Variants in SOBP observed in about 807,000 individuals in gnomAD.
SOBP encodes sine oculis-binding protein homolog.
A neutral mutation model predicts 53.6 loss-of-function variants in SOBP; 4 were observed. The ratio of observed to expected loss-of-function variants is 0.07; its 90% CI spans 0.04 to 0.17. The LOEUF is 0.17. Ranked by LOEUF, SOBP falls within the 10% of genes least tolerant of loss-of-function variation. The pLI, the probability that SOBP is intolerant of heterozygous loss-of-function variation, is 1.00. For synonymous variants in SOBP, 584 were observed against 522.6 expected, an observed-to-expected ratio of 1.12 and a Z score of -1.60; for missense variants, 1,088 against 1,204.7, an observed-to-expected ratio of 0.90 and a Z score of 1.43.
chr6:107,494,359 A>G (rs1782648847), intron 1 of SOBP, among the ~76,000 whole-genome samples: 1 of 152,260 alleles, frequency 6.6e-6, no homozygotes, highest in Admixed American at 6.5e-5. Flanking sequence ...CATCCAGAAC[A>G]TAGTAGATAT....
At chr6:107,584,942 CA>C (rs1399080690) in intron 4 of SOBP, among the ~76,000 whole-genome samples, 1 of 152,086 alleles carries the variant, frequency 6.6e-6, no homozygotes, top group East Asian at 1.9e-4. Context: ...ATAATAAACA[CA>C]TTCCACCTTA....
intron 3 of SOBP, among the ~76,000 whole-genome samples, chr6:107,520,080 G>A (rs1000429940): frequency 6.6e-6 from 1 of 152,152 alleles, no homozygotes; most frequent in Non-Finnish European, 1.5e-5. Flanking sequence ...ATTCTCAGTG[G>A]CACAATAACG....
chr6:107,515,462 C>T (rs1203766788), intron 3 of SOBP, among the ~76,000 whole-genome samples: 1 of 152,030 alleles, frequency 6.6e-6, no homozygotes, highest in Non-Finnish European at 1.5e-5. Flanking sequence ...AAATTGAAAA[C>T]TTCTGTCTGG....
chr6:107,661,118 A>T lies in SOBP; in HGVS notation c.*2915A>T, dbSNP rs1772276705. Among the ~76,000 whole-genome samples, 1 of 152,202 alleles carries T rather than the reference A, an allele frequency of 6.6e-6. No homozygotes were observed. The highest frequency in any genetic ancestry group is 2.4e-5 in the African/African-American group (1 of 41,444). On this transcript the variant is annotated 3_prime_UTR_variant, in exon 7 of 7. Coordinates refer to ENST00000317357, the MANE Select transcript of SOBP (RefSeq NM_018013.4). Reference sequence around the variant, plus strand: ...ATTTTGCTTTTGTCTGTAGTCCAAGATTGTCAAGCAAACATTTTGACCCTT... The same window carrying T: ...ATTTTGCTTTTGTCTGTAGTCCAAGTTTGTCAAGCAAACATTTTGACCCTT...
chr6:107,633,921 A>C lies in SOBP; in HGVS notation c.1077A>C (p.Pro359=). ...AGTCCATCCCCATCAGCGAGACTCC[A>C]AATATCCCTCCTGTCTCCGTCCAGC... ...VPKSIPISET[P]NIPPVSVQPP... The change falls in exon 6 of 7, where the codon CCA becomes CCC. Residue 359 remains proline, a synonymous_variant. Transcript: ENST00000317357. The C allele has an allele frequency of 1.2e-6, 2 of 1,614,100 alleles. No homozygotes were observed. The highest frequency in any genetic ancestry group is 1.7e-6 in the Non-Finnish European group (2 of 1,179,996).
At chr6:107,577,467 T>G (rs1785264482) in intron 4 of SOBP, among the ~76,000 whole-genome samples, 1 of 152,244 alleles carries the variant, frequency 6.6e-6, no homozygotes, top group African/African-American at 2.4e-5. Flanking sequence ...TTTCACTGAT[T>G]GGTCCAGGGA....
intron 4 of SOBP, among the ~76,000 whole-genome samples, chr6:107,563,194 A>G (rs1784820041): frequency 6.6e-6 from 1 of 152,134 alleles, no homozygotes; most frequent in Non-Finnish European, 1.5e-5. Flanking sequence ...GAGGTCAAGG[A>G]TGTGGTGTGC....
intron 1 of SOBP, among the ~76,000 whole-genome samples, chr6:107,496,383 T>C (rs1360512535): frequency 1.3e-5 from 2 of 152,218 alleles, no homozygotes; most frequent in Non-Finnish European, 2.9e-5. Context: ...TGTGGGGACA[T>C]GATTGTTTGC....
intron 4 of SOBP, among the ~76,000 whole-genome samples, chr6:107,553,704 T>C (rs1429433004): frequency 2.0e-5 from 3 of 152,116 alleles, no homozygotes; most frequent in African/African-American, 4.8e-5. Flanking sequence ...GCCAGGCTGG[T>C]CTTGAACTCC....
chr6:107,603,519 T>C (rs987242358), intron 5 of SOBP, among the ~76,000 whole-genome samples: 1 of 152,200 alleles, frequency 6.6e-6, no homozygotes, highest in African/African-American at 2.4e-5. Context: ...CAAAAAAGAT[T>C]TATTCCAGGA....
At chr6:107,622,115 A>G (rs566263678) in intron 5 of SOBP, among the ~76,000 whole-genome samples, 41 of 152,322 alleles carry the variant, frequency 2.7e-4, no homozygotes, top group African/African-American at 8.9e-4. Flanking sequence ...ATACGTAAAA[A>G]CATCTGTATT....
At chr6:107,508,909 G>A (rs1325951957) in intron 3 of SOBP, among the ~76,000 whole-genome samples, 2 of 152,206 alleles carry the variant, frequency 1.3e-5, no homozygotes, top group African/African-American at 2.4e-5. Context: ...GAAGGTATCA[G>A]TAAGGTAGTA....
chr6:107,524,146 T>C (rs1393040978), intron 3 of SOBP, among the ~76,000 whole-genome samples: 1 of 152,232 alleles, frequency 6.6e-6, no homozygotes, highest in African/African-American at 2.4e-5. Flanking sequence ...TTTTAGTCTT[T>C]ATATGCTGCC....
At chr6:107,652,041 AATTAAT>A (rs1422039263) in intron 6 of SOBP, among the ~76,000 whole-genome samples, 1 of 152,212 alleles carries the variant, frequency 6.6e-6, no homozygotes, top group African/African-American at 2.4e-5. Context: ...GGTACAAAGA[AATTAAT>A]TGTTTTCATG....
At chr6:107,612,376 T>C (rs921340788) in intron 5 of SOBP, among the ~76,000 whole-genome samples, 4 of 152,206 alleles carry the variant, frequency 2.6e-5, no homozygotes, top group African/African-American at 7.2e-5. Context: ...TTTGAACTTT[T>C]CTAGATAATC....
chr6:107,510,452 T>C (rs534361100), intron 3 of SOBP: 3 of 152,316 alleles, frequency 2.0e-5, no homozygotes, highest in Non-Finnish European at 2.9e-5. Flanking sequence ...ACAATATTTG[T>C]TGAATAAATG....
At chr6:107,521,945 CACACACACACACACAA>C (rs1251911355) in intron 3 of SOBP, among the ~76,000 whole-genome samples, 18 of 149,736 alleles carry the variant, frequency 1.2e-4, no homozygotes, top group African/African-American at 4.2e-4. Context: ...CACACACACA[CACACACACACACACAA>C]ACTCAATCAA....
chr6:107,519,643 A>G (rs1035355776), intron 3 of SOBP, among the ~76,000 whole-genome samples: 1 of 152,320 alleles, frequency 6.6e-6, no homozygotes, highest in Admixed American at 6.5e-5. Context: ...GGATTAAAGC[A>G]TACTATAGCA....
intron 3 of SOBP, among the ~76,000 whole-genome samples, chr6:107,516,991 A>C (rs1171658984): frequency 6.6e-6 from 1 of 152,186 alleles, no homozygotes; most frequent in Non-Finnish European, 1.5e-5. Flanking sequence ...CCTGCATAAA[A>C]TTTTGTGGAA....
Sources: allele counts gnomAD v4.1 joint callset (sites outside exome capture counted in the v4.1 genomes callset), GRCh38; gene constraint gnomAD v4.1.1; transcripts MANE v1.5; gene names NCBI Gene and HGNC (gene_info 2026-07-23, HGNC 2026-07-21).